CTNNA2: variants seen among roughly 807,000 people sequenced by gnomAD.
The protein encoded by CTNNA2 is catenin alpha 2.
A neutral mutation model predicts 101.0 loss-of-function variants in CTNNA2; 42 were observed. The ratio of observed to expected loss-of-function variants is 0.42; its 90% CI spans 0.32 to 0.54. CTNNA2 has a LOEUF of 0.54. CTNNA2 is among the 20% of genes least tolerant of loss of function. CTNNA2 has a pLI of 0.14. For missense variants in CTNNA2, 871 were observed against 1,223.1 expected, an observed-to-expected ratio of 0.71 and a Z score of 4.29; for synonymous variants, 450 against 456.4, an observed-to-expected ratio of 0.99 and a Z score of 0.18.
chr2:79,586,867 T>C (rs769287090), intron 1 of CTNNA2, among the ~76,000 whole-genome samples: 5 of 151,934 alleles, frequency 3.3e-5, no homozygotes, highest in African/African-American at 7.3e-5. Context: ...CTCATTCTTA[T>C]GCCTTTGCAT....
In CTNNA2 at chr2:79,860,853, C is replaced by G. The variant is rs112948828; in HGVS notation, c.465+2674C>G. On this transcript the variant is annotated intron_variant, in intron 4 of 18. Coordinates refer to ENST00000402739, the MANE Select transcript of CTNNA2 (RefSeq NM_001282597.3). The stretch of plus-strand genomic sequence containing the variant: ...TTGCAAACAAACATAGCACATAGTT[C>G]TACTCAGTAGTAGGGAGTATATCAG... 1.3e-3 allele frequency among the ~76,000 whole-genome samples: 205 copies of G among 152,182 alleles called. 1 individual carries two copies. Among genetic ancestry groups the G allele is most frequent in the African/African-American group, 4.5e-3 (187 of 41,520 alleles).
At chr2:79,266,148 G>T (rs1021444608) in intron 2 of CTNNA2, among the ~76,000 whole-genome samples, 7 of 152,132 alleles carry the variant, frequency 4.6e-5, no homozygotes, top group African/African-American at 1.7e-4. Context: ...CTGCTTTGGG[G>T]CATTCTGGCC....
chr2:79,221,752 T>C (rs1674348219), intron 2 of CTNNA2, among the ~76,000 whole-genome samples: 1 of 152,156 alleles, frequency 6.6e-6, no homozygotes, highest in South Asian at 2.1e-4. Flanking sequence ...AGTTTGTATC[T>C]ATATGGCTTA....
In CTNNA2 at chr2:79,317,524, A is replaced by G. The variant is rs114696506; in HGVS notation, c.-318+4728A>G. On this transcript the variant is annotated intron_variant, in intron 3 of 21. Transcript: ENST00000466387. ...CAAAGACTTACATACTAGTAACTCG[A>G]TAAATGTGGGATGAACTGAATTGAT... 3.2e-3 allele frequency among the ~76,000 whole-genome samples: 493 copies of G among 152,180 alleles called. 2 individuals carry two copies. The highest frequency in any genetic ancestry group is 0.011 in the African/African-American group (463 of 41,564).
intron 7 of CTNNA2, among the ~76,000 whole-genome samples, chr2:80,286,652 G>C (rs1674791973): frequency 6.6e-6 from 1 of 152,114 alleles, no homozygotes; most frequent in Non-Finnish European, 1.5e-5. Context: ...CATTCTGCAT[G>C]TCAAATCCCA....
intron 7 of CTNNA2, among the ~76,000 whole-genome samples, chr2:80,019,456 C>T (rs1198037845): frequency 6.6e-6 from 1 of 152,144 alleles, no homozygotes; most frequent in Non-Finnish European, 1.5e-5. Context: ...ACTCAAGAAA[C>T]CAGGAAAGCA....
intron 7 of CTNNA2, among the ~76,000 whole-genome samples, chr2:80,047,762 G>A (rs1461504999): frequency 6.6e-6 from 1 of 152,138 alleles, no homozygotes; most frequent in Non-Finnish European, 1.5e-5. Context: ...GACTAGAATT[G>A]GGGAAAATTA....
chr2:79,923,068 G>T (rs1428546027), intron 7 of CTNNA2, among the ~76,000 whole-genome samples: 4 of 152,100 alleles, frequency 2.6e-5, no homozygotes, highest in African/African-American at 9.7e-5. Flanking sequence ...AACCCTGCCA[G>T]CACTCCAAAT....
At chr2:79,914,187 A>AGG (rs1254465273) in intron 7 of CTNNA2, among the ~76,000 whole-genome samples, 3 of 147,568 alleles carry the variant, frequency 2.0e-5, no homozygotes, top group Non-Finnish European at 3.0e-5. Flanking sequence ...AAAAAAAAAA[A>AGG]AAGAAAGTAG....
At chr2:79,667,329 T>C (rs2104562443) in intron 2 of CTNNA2, among the ~76,000 whole-genome samples, 1 of 152,282 alleles carries the variant, frequency 6.6e-6, no homozygotes, top group East Asian at 1.9e-4. Flanking sequence ...TTTTCTTTTG[T>C]TTTTGGTTGG....
chr2:79,514,936 G>A (rs1371962747), intron 1 of CTNNA2, among the ~76,000 whole-genome samples: 1 of 152,094 alleles, frequency 6.6e-6, no homozygotes, highest in East Asian at 1.9e-4. Flanking sequence ...AGTGCAATAT[G>A]CAGTTTTGCA....
At chr2:79,691,521 C>A (rs1439034595) in intron 2 of CTNNA2, among the ~76,000 whole-genome samples, 1 of 151,210 alleles carries the variant, frequency 6.6e-6, no homozygotes, top group South Asian at 2.1e-4. Flanking sequence ...AAAAAAAAAA[C>A]TACTTTAAAA....
intron 3 of CTNNA2, among the ~76,000 whole-genome samples, chr2:79,343,801 G>A (rs1219747599): frequency 6.6e-6 from 1 of 151,646 alleles, no homozygotes; most frequent in Admixed American, 6.6e-5. Flanking sequence ...TCATCTTTCT[G>A]AACCTAACTC....
chr2:79,338,645 A>ATTCTTCTTCTTCTTCTTCTTCTTCTTCTT (rs1467280230), intron 3 of CTNNA2, among the ~76,000 whole-genome samples: 2 of 53,922 alleles, frequency 3.7e-5, no homozygotes, highest in African/African-American at 7.4e-5. Flanking sequence ...TTCTTCTTCA[A>ATTCTTCTTCTTCTTCTTCTTCTTCTTCTT]AGATTCCTCT....
chr2:80,094,631 C>T (rs1700024608), intron 7 of CTNNA2, among the ~76,000 whole-genome samples: 1 of 152,080 alleles, frequency 6.6e-6, no homozygotes, highest in Admixed American at 6.6e-5. Context: ...ATTCTTCCTA[C>T]CCATGAGCAT....
chr2:80,248,908 G>A (rs776401236), intron 7 of CTNNA2, among the ~76,000 whole-genome samples: 37 of 152,186 alleles, frequency 2.4e-4, no homozygotes, highest in Non-Finnish European at 4.0e-4. Flanking sequence ...TACTGATGAG[G>A]AATAAGGGAG....
chr2:80,595,293 AT>A (rs77516855), intron 15 of CTNNA2, among the ~76,000 whole-genome samples: 34,487 of 151,752 alleles, frequency 0.23, 5,614 homozygotes, highest in African/African-American at 0.47. Context: ...GGATTTTTTT[AT>A]TTACTAGTGT....
intron 1 of CTNNA2, among the ~76,000 whole-genome samples, chr2:79,641,669 G>A (rs1680457123): frequency 1.3e-5 from 2 of 152,270 alleles, no homozygotes; most frequent in South Asian, 4.1e-4. Flanking sequence ...TATCACATAG[G>A]TTGATACTCA....
At chr2:79,220,755 T>C (rs1230878508) in intron 2 of CTNNA2, among the ~76,000 whole-genome samples, 1 of 152,164 alleles carries the variant, frequency 6.6e-6, no homozygotes, top group African/African-American at 2.4e-5. Context: ...ATCAATAAGT[T>C]ATATTCTAGC....
Sources: gnomAD v4.1 joint callset for allele counts (sites outside exome capture counted in the v4.1 genomes callset) on GRCh38, gnomAD v4.1.1 for gene constraint, MANE v1.5 for transcripts, NCBI Gene and HGNC (gene_info 2026-07-23, HGNC 2026-07-21) for gene names.